Variants in BICRA observed in about 807,000 individuals in gnomAD.
BICRA encodes BRD4-interacting chromatin-remodeling complex-associated protein.
In BICRA, 31 loss-of-function variants were observed where a neutral mutation model predicts 96.9. The ratio of observed to expected loss-of-function variants is 0.32; its 90% CI spans 0.24 to 0.43. The LOEUF is 0.43. BICRA is among the 20% of genes least tolerant of loss of function. BICRA has a pLI of 1.00. For synonymous variants in BICRA, 1,350 were observed against 1,071.8 expected, an observed-to-expected ratio of 1.26 and a Z score of -5.07; for missense variants, 2,283 against 2,190.3, an observed-to-expected ratio of 1.04 and a Z score of -0.84.
intron 1 of BICRA, among the ~76,000 whole-genome samples, chr19:47,624,008 C>T (rs1305489843): frequency 1.3e-5 from 2 of 151,970 alleles, no homozygotes; most frequent in African/African-American, 2.4e-5. Flanking sequence ...CGCACCACCG[C>T]GCCCGGCTAA....
Position 47,670,238 on chromosome 19 carries a change from G to A in BICRA, c.-107-205G>A, listed in dbSNP as rs1302719857. On this transcript the variant is annotated intron_variant, in intron 1 of 14. Coordinates refer to ENST00000594866, the MANE Select transcript of BICRA (RefSeq NM_001394372.1). ...CAAAGTGCTGAATTTACAGGCGTGA[G>A]CCACCGCGCCAGCCATTTTGTGTGA... 3.9e-5 allele frequency among the ~76,000 whole-genome samples: 6 copies of A among 152,296 alleles called. No individual in the cohort carries two copies. The East Asian group carries it at 1.2e-3, about 29-fold the overall frequency.
chr19:47,685,786 T>TGTGTGTGTGTGTGTGTGTGTGCGC, intron 7 of BICRA, among the ~76,000 whole-genome samples: 11 of 117,928 alleles, frequency 9.3e-5, no homozygotes, highest in African/African-American at 2.5e-4. Flanking sequence ...TGTGTGTGTG[T>TGTGTGTGTGTGTGTGTGTGTGCGC]GCGCGCGCGC....
Position 47,702,022 on chromosome 19 carries a change from C to G in BICRA, c.4290C>G (p.Arg1430=). The G allele has an allele frequency of 6.7e-7, 1 of 1,490,012 alleles. No individual in the cohort carries two copies. Among genetic ancestry groups the G allele is most frequent in the African/African-American group, 1.5e-5 (1 of 68,318 alleles). The allele number at this position is 1,490,012 out of a possible 1,614,324, so 92.3% of individuals were successfully genotyped here. ...KVDEATSGLI[R]ELAAVEDELY... ...ACGAGGCCACCAGCGGGCTCATCCGCGAGCTGGCGGCCGTGGAGGACGAGC... is the reference window on the plus strand; with the variant it reads ...ACGAGGCCACCAGCGGGCTCATCCGGGAGCTGGCGGCCGTGGAGGACGAGC... Residue 1430 remains arginine (R), a synonymous_variant, in exon 15 of 15, where the codon CGC becomes CGG. Transcript: ENST00000594866.
chr19:47,675,793 C>T lies in BICRA; in HGVS notation c.85-58C>T. The T allele has an allele frequency of 7.2e-7, 1 of 1,381,226 alleles. No homozygotes were observed. Among genetic ancestry groups the T allele is most frequent in the Non-Finnish European group, 1.0e-6 (1 of 982,284 alleles). 85.6% of individuals were successfully genotyped at this position (1,381,226 alleles called of 1,614,324 possible). A position where few individuals can be genotyped will look rare whatever the true frequency, so the allele number is the denominator to read the frequency against. ...AGTGACCCTAAATTGGTTTCTGCTC[C>T]AGAGCATGGGCCTGCCCTGCTGACT... On this transcript the variant is annotated intron_variant, in intron 4 of 14. Transcript: ENST00000594866. This position sits in a 1 kb window ranked among gnomAD's most constrained non-coding sequence, Gnocchi z 4.7.
Position 47,694,533 on chromosome 19 carries a change from C to G in BICRA, c.2702C>G (p.Pro901Arg), listed in dbSNP as rs746576492. The G allele has an allele frequency of 8.7e-6, 14 of 1,610,308 alleles. No homozygotes were observed. Among genetic ancestry groups the G allele is most frequent in the Non-Finnish European group, 1.2e-5 (14 of 1,178,858 alleles). The change falls in exon 8 of 15, where the codon CCT (proline) becomes CGT (arginine). Residue 901 changes from proline (P) to arginine (R), a missense_variant. By Grantham distance (103) the Pro-to-Arg change is moderately radical (BLOSUM62 -2). Transcript: ENST00000594866. The stretch of plus-strand genomic sequence containing the variant: ...GAGACGTCCTCCAGGTTGCCAGCCC[C>G]TACGCCATCCGACTTCCAGCTCCAG... ...SSETSSRLPAPTPSDFQLQFP... is the reference protein window; with the variant it reads ...SSETSSRLPARTPSDFQLQFP...
At position 47,672,190 on chromosome 19, in the gene BICRA, GTAGA is replaced by G. The variant is rs138983869; in HGVS notation, c.-5-1378_-5-1375del. ...GGATGGAAGGATGGAGGATGGGTAG[GTAGA>G]TGGATGGAAGGATGGAGGATGGGTA... is the stretch of plus-strand genomic sequence containing the variant. On this transcript the variant is annotated intron_variant, in intron 2 of 14. Transcript: ENST00000594866. 1.1e-4 allele frequency among the ~76,000 whole-genome samples: 15 copies of G among 130,732 alleles called. No homozygotes were observed. The East Asian group carries it at 2.8e-3, about 24-fold the overall frequency. The allele number at this position is 130,732 out of a possible 152,430, so 85.8% of individuals were successfully genotyped here.
At chr19:47,685,093 C>T (rs919362) in intron 7 of BICRA, among the ~76,000 whole-genome samples, 37,919 of 151,964 alleles carry the variant, frequency 0.25, 4,851 homozygotes, top group South Asian at 0.32. Flanking sequence ...CCTCAGCCTC[C>T]GAAGTAGCTG....
chr19:47,679,374 G>T lies in BICRA; in HGVS notation c.204G>T (p.Pro68=). 7 of 1,429,760 alleles carry T rather than the reference G, an allele frequency of 4.9e-6. No homozygotes were observed. The highest frequency in any genetic ancestry group is 5.5e-6 in the Non-Finnish European group (6 of 1,089,490). The allele number at this position is 1,429,760 out of a possible 1,614,324, so 88.6% of individuals were successfully genotyped here. Residue 68 remains proline (P), a synonymous_variant, in exon 6 of 15, where the codon CCG becomes CCT. Transcript: ENST00000594866. ...GNHLNPEPNQ[P]APSVDLDFLE... is the part of the protein sequence containing the mutation. The stretch of plus-strand genomic sequence containing the variant: ...ACCTGAACCCAGAGCCCAACCAGCC[G>T]GCCCCCAGTGTGGACCTAGACTTCC...
chr19:47,621,884 C>T (rs1290823024), intron 1 of BICRA, among the ~76,000 whole-genome samples: 3 of 152,158 alleles, frequency 2.0e-5, no homozygotes, highest in Non-Finnish European at 4.4e-5. Flanking sequence ...CTCCACCTCC[C>T]AGGTTCAAGC....
At chr19:47,683,589 C>CT (rs11448897) in intron 7 of BICRA, among the ~76,000 whole-genome samples, 64,464 of 144,562 alleles carry the variant, frequency 0.45, 14,583 homozygotes, top group East Asian at 0.66. Flanking sequence ...GGGCTACGTT[C>CT]TTTTTTTTTT....
At chr19:47,679,272 G>T (rs998244246) in intron 5 of BICRA, 49 bp from the exon 6 acceptor site, 25 of 1,369,046 alleles carry the variant, frequency 1.8e-5, no homozygotes, top group Non-Finnish European at 2.4e-5. Flanking sequence ...CCTAAGCGTA[G>T]CCCCTTGCTA....
Position 47,679,753 on chromosome 19 carries a change from C to T in BICRA, c.583C>T (p.Gln195Ter). ...CGTGGTCAACAAGGCCCTGAGTGTG[C>T]AGCCCTTCCTGCAGCCTGTGGGCCT... is the stretch of plus-strand genomic sequence containing the variant. ...QDVVNKALSV[Q>*]PFLQPVGLGN... Residue 195 changes from glutamine (Q) to a stop codon, truncating the protein, a stop_gained, in exon 6 of 15, where the codon CAG (glutamine) becomes TAG (stop). Transcript: ENST00000594866. LOFTEE classifies it high-confidence loss of function. 2 of 1,527,958 alleles carry T rather than the reference C, an allele frequency of 1.3e-6. No individual in the cohort carries two copies. Among genetic ancestry groups the T allele is most frequent in the Non-Finnish European group, 8.8e-7 (1 of 1,137,982 alleles). 94.7% of individuals were successfully genotyped at this position (1,527,958 alleles called of 1,614,324 possible).
In BICRA at chr19:47,681,109, C is replaced by CCCCCGCAGGCCCCCA; in HGVS notation, c.1944_1958dup (p.Pro651_Ala655dup). 1 of 1,463,480 alleles carries CCCCCGCAGGCCCCCA rather than the reference C, an allele frequency of 6.8e-7. No homozygotes were observed. The highest frequency in any genetic ancestry group is 9.1e-7 in the Non-Finnish European group (1 of 1,099,188). 90.7% of individuals were successfully genotyped at this position (1,463,480 alleles called of 1,614,324 possible). A position where few individuals can be genotyped will look rare whatever the true frequency, so the allele number is the denominator to read the frequency against. The stretch of plus-strand genomic sequence containing the variant: ...CCTCCAGCAGCCGCAGGCGCAGCAG[C>CCCCCGCAGGCCCCCA]CCCCGCAGGCCCCCACCCCACAGGC... On this transcript the variant is annotated inframe_insertion, in exon 6 of 15. Transcript: ENST00000594866.
chr19:47,660,287 C>A (rs985458340), intron 1 of BICRA, among the ~76,000 whole-genome samples: 3 of 152,060 alleles, frequency 2.0e-5, no homozygotes, highest in Admixed American at 6.6e-5. Flanking sequence ...CTTCACATGG[C>A]CTTCTGTTCT....
chr19:47,656,972 C>T (rs1972627790), intron 1 of BICRA, among the ~76,000 whole-genome samples: 1 of 152,014 alleles, frequency 6.6e-6, no homozygotes, highest in South Asian at 2.1e-4. Context: ...AGAAATTCTC[C>T]TGCCTCAGCC....
At chr19:47,664,911 TG>T (rs955786014) in intron 1 of BICRA, among the ~76,000 whole-genome samples, 2 of 68,260 alleles carry the variant, frequency 2.9e-5, no homozygotes, top group African/African-American at 7.2e-5. Flanking sequence ...GCAGGCCCAC[TG>T]GGTGGGGGGC....
At chr19:47,631,805 C>T (rs1377842577) in intron 1 of BICRA, among the ~76,000 whole-genome samples, 4 of 152,096 alleles carry the variant, frequency 2.6e-5, no homozygotes, top group African/African-American at 7.2e-5. Context: ...CACACTACCA[C>T]GCCTGGCTAA....
At chr19:47,684,722 C>G (rs1192117969) in intron 7 of BICRA, among the ~76,000 whole-genome samples, 1 of 152,176 alleles carries the variant, frequency 6.6e-6, no homozygotes, top group Non-Finnish European at 1.5e-5. Flanking sequence ...TTAGCTTGCC[C>G]AAGGTTGCAC....
At chr19:47,685,525 G>T (rs1398030817) in intron 7 of BICRA, among the ~76,000 whole-genome samples, 4 of 152,206 alleles carry the variant, frequency 2.6e-5, no homozygotes, top group Admixed American at 6.5e-5. Flanking sequence ...GTGGGTGTGT[G>T]ACTGGGTGAT....
Sources: gnomAD v4.1 joint callset for allele counts (sites outside exome capture counted in the v4.1 genomes callset) on GRCh38, gnomAD v4.1.1 for gene constraint, Gnocchi (gnomAD v3.1) non-coding constraint, MANE v1.5 for transcripts, NCBI Gene and HGNC (gene_info 2026-07-23, HGNC 2026-07-21) for gene names.